PRELID2: variants seen among roughly 807,000 people sequenced by gnomAD.
PRELID2 encodes the protein PRELI domain-containing protein 2.
PRELID2 carries 25 observed loss-of-function variants against 28.4 expected under a neutral mutation model. The ratio of observed to expected loss-of-function variants is 0.88; its 90% confidence interval spans 0.64 to 1.23. The LOEUF (loss-of-function observed/expected upper bound fraction) is 1.23. PRELID2 is among the 50% of genes most tolerant of loss of function. The pLI is 0.00. For synonymous variants in PRELID2, 76 were observed against 71.6 expected, an observed-to-expected ratio of 1.06 and a Z score of -0.31; for missense variants, 201 against 214.4, an observed-to-expected ratio of 0.94 and a Z score of 0.39.
chr5:145,516,885 G>A (rs527818418), intron 1 of PRELID2, among the ~76,000 whole-genome samples: 17 of 152,224 alleles, frequency 1.1e-4, no homozygotes, highest in African/African-American at 4.1e-4. Flanking sequence ...CAAGCAACTG[G>A]GAAAGGATTC....
intron 1 of PRELID2, among the ~76,000 whole-genome samples, chr5:145,655,304 C>A (rs1459544396): frequency 3.3e-5 from 5 of 152,066 alleles, no homozygotes; most frequent in African/African-American, 1.2e-4. Flanking sequence ...GAATCAATAT[C>A]ATGAAAATGG....
the PRELID2 span, among the ~76,000 whole-genome samples, chr5:145,428,069 C>T: frequency 6.6e-6 from 1 of 152,110 alleles, no homozygotes; most frequent in Admixed American, 6.6e-5. Flanking sequence ...AGCGATTCTC[C>T]TGCCTCAGCA....
the PRELID2 span, among the ~76,000 whole-genome samples, chr5:145,285,036 A>G: frequency 6.6e-6 from 1 of 152,138 alleles, no homozygotes; most frequent in African/African-American, 2.4e-5. Context: ...TGAGGTAGGT[A>G]TTAAGAACAC....
At chr5:145,371,248 A>G in the PRELID2 span, among the ~76,000 whole-genome samples, 117,921 of 152,058 alleles carry the variant, frequency 0.78, 46,909 homozygotes, top group East Asian at 1. Flanking sequence ...TTGGCTGTGT[A>G]TTTGTCATAA....
At chr5:145,741,833 TAATA>T (rs374586595) in intron 1 of PRELID2, among the ~76,000 whole-genome samples, 100,197 of 121,348 alleles carry the variant, frequency 0.83, 41,741 homozygotes, top group East Asian at 0.89. Context: ...AATATTTATA[TAATA>T]AATATATAAA....
At chr5:145,405,485 G>T in the PRELID2 span, among the ~76,000 whole-genome samples, 2 of 152,200 alleles carry the variant, frequency 1.3e-5, no homozygotes, top group African/African-American at 4.8e-5. Flanking sequence ...ATATAAGTGA[G>T]ATCATGCAGT....
In PRELID2 at chr5:145,781,141, G is replaced by C. The variant is rs77323294; in HGVS notation, c.474+15301C>G. Among the ~76,000 whole-genome samples, 107 of 152,244 alleles carry C rather than the reference G, an allele frequency of 7.0e-4. No individual in the cohort carries two copies. In the East Asian group the frequency reaches 0.016, roughly 23 times the overall value. On this transcript the variant is annotated intron_variant, in intron 5 of 6. Transcript: ENST00000683046. Reference sequence around the variant, plus strand: ...TACAACCAAAGGGGTCTTTCAGGAAGGATGAAATTCTATCTTAGAGTGGGG... The same window carrying C: ...TACAACCAAAGGGGTCTTTCAGGAACGATGAAATTCTATCTTAGAGTGGGG...
At chr5:145,598,832 A>G (rs926012796) in intron 1 of PRELID2, among the ~76,000 whole-genome samples, 1 of 152,214 alleles carries the variant, frequency 6.6e-6, no homozygotes, top group Non-Finnish European at 1.5e-5. Context: ...ACCAGGTGCA[A>G]TAATAGAAAA....
chr5:145,376,750 T>C, the PRELID2 span, among the ~76,000 whole-genome samples: 152 of 152,260 alleles, frequency 1.0e-3, 1 homozygote, highest in African/African-American at 3.2e-3. Flanking sequence ...CTCCCTTGTT[T>C]CTGATTGTGT....
chr5:145,732,712 T>C (rs1187057816), intron 1 of PRELID2, among the ~76,000 whole-genome samples: 1 of 152,190 alleles, frequency 6.6e-6, no homozygotes, highest in African/African-American at 2.4e-5. Context: ...ACCAAAATTG[T>C]AGATGAAATG....
At chr5:145,429,500 G>A in the PRELID2 span, among the ~76,000 whole-genome samples, 1 of 152,162 alleles carries the variant, frequency 6.6e-6, no homozygotes, top group Non-Finnish European at 1.5e-5. Flanking sequence ...GTGAGATATG[G>A]AGTAGGCAGT....
At chr5:145,689,809 A>G (rs1368619521) in intron 1 of PRELID2, among the ~76,000 whole-genome samples, 1 of 152,166 alleles carries the variant, frequency 6.6e-6, no homozygotes, top group Non-Finnish European at 1.5e-5. Flanking sequence ...AATCGGGGGC[A>G]GTCTGAGGCC....
At chr5:145,788,639 T>C (rs1752162992) in intron 5 of PRELID2, among the ~76,000 whole-genome samples, 1 of 152,112 alleles carries the variant, frequency 6.6e-6, no homozygotes, top group Admixed American at 6.6e-5. Context: ...TTCTATTCAA[T>C]ATAATACTGG....
chr5:145,296,504 A>C, the PRELID2 span, among the ~76,000 whole-genome samples: 12 of 152,132 alleles, frequency 7.9e-5, no homozygotes, highest in East Asian at 1.5e-3. Flanking sequence ...ATCCATGTCC[A>C]TACAAAGGAC....
At chr5:145,603,408 G>T (rs982141287) in intron 1 of PRELID2, among the ~76,000 whole-genome samples, 2 of 152,116 alleles carry the variant, frequency 1.3e-5, no homozygotes, top group African/African-American at 2.4e-5. Flanking sequence ...CTGCTTGAAT[G>T]ATTTCTTCAA....
At chr5:145,422,169 G>A in the PRELID2 span, among the ~76,000 whole-genome samples, 6 of 147,316 alleles carry the variant, frequency 4.1e-5, no homozygotes, top group Non-Finnish European at 7.5e-5. Flanking sequence ...GGTCAATTTT[G>A]GAATAGGTGT....
the PRELID2 span, among the ~76,000 whole-genome samples, chr5:145,340,259 T>A: frequency 1.3e-5 from 2 of 152,254 alleles, no homozygotes; most frequent in Non-Finnish European, 2.9e-5. Flanking sequence ...CCTGCCAATA[T>A]CACCACAGCT....
At chr5:145,793,984 A>C (rs1752571320) in intron 5 of PRELID2, among the ~76,000 whole-genome samples, 1 of 152,144 alleles carries the variant, frequency 6.6e-6, no homozygotes, top group South Asian at 2.1e-4. Context: ...GGACAACTTG[A>C]CTTCCACCTT....
At chr5:145,485,816 G>A (rs1033124506) in intron 1 of PRELID2, among the ~76,000 whole-genome samples, 2 of 152,164 alleles carry the variant, frequency 1.3e-5, no homozygotes, top group African/African-American at 4.8e-5. Flanking sequence ...GAAGTAATTT[G>A]TTGATCAAGA....
Sources: allele counts gnomAD v4.1 joint callset (sites outside exome capture counted in the v4.1 genomes callset), GRCh38; gene constraint gnomAD v4.1.1; transcripts MANE v1.5; gene names NCBI Gene and HGNC (gene_info 2026-07-23, HGNC 2026-07-21).